Variants in MAP3K9 observed in about 807,000 individuals in gnomAD.
The protein encoded by MAP3K9 is mitogen-activated protein kinase kinase kinase 9, also known as mixed lineage kinase 1 (tyr and ser/thr specificity).
A neutral mutation model predicts 95.8 loss-of-function variants in MAP3K9; 46 were observed. The ratio of observed to expected loss-of-function variants is 0.48; its 90% CI spans 0.38 to 0.61. The LOEUF is 0.61. Among genes scored for constraint, MAP3K9 ranks in the 20% least tolerant of loss-of-function variants. MAP3K9 has a pLI of 0.00. For synonymous variants in MAP3K9, 533 were observed against 593.8 expected (o/e 0.90, Z 1.49); for missense variants, 1,296 against 1,474.3 (o/e 0.88, Z 1.98).
intron 1 of MAP3K9, among the ~76,000 whole-genome samples, chr14:70,801,720 A>G (rs1268999774): frequency 1.3e-5 from 2 of 152,212 alleles, no homozygotes; most frequent in East Asian, 3.8e-4. Flanking sequence ...AGCAGCACAG[A>G]GCACTAAGGG....
In MAP3K9 at chr14:70,724,898, C is replaced by T. The variant is rs1352544863; in HGVS notation, c.*5482G>A. On this transcript the variant is annotated 3_prime_UTR_variant, in exon 12 of 12. Coordinates refer to ENST00000554752, the MANE Select transcript of MAP3K9 (RefSeq NM_001284230.2). ...ACCCCTGGAATGGTATTCTGCTGTCCAATCCTGAGACACCTAACTAGTTAG... is the reference window on the plus strand; with the variant it reads ...ACCCCTGGAATGGTATTCTGCTGTCTAATCCTGAGACACCTAACTAGTTAG... 1 of 152,188 alleles carries T rather than the reference C, an allele frequency of 6.6e-6. No homozygotes were observed. The highest frequency in any genetic ancestry group is 6.5e-5 in the Admixed American group (1 of 15,290). The allele number at this position is 152,188 out of a possible 1,614,324, so 9.4% of individuals were successfully genotyped here. A position where few individuals can be genotyped will look rare whatever the true frequency, so the allele number is the denominator to read the frequency against.
At chr14:70,764,588 T>C (rs1176742388) in intron 2 of MAP3K9, among the ~76,000 whole-genome samples, 1 of 150,520 alleles carries the variant, frequency 6.6e-6, no homozygotes, top group Admixed American at 6.6e-5. Context: ...CCCAGCACTT[T>C]GGGAGGTCAA....
intron 2 of MAP3K9, among the ~76,000 whole-genome samples, chr14:70,789,175 G>A (rs2054780088): frequency 6.6e-6 from 1 of 152,172 alleles, no homozygotes; most frequent in African/African-American, 2.4e-5. Flanking sequence ...AGTCCAGAGG[G>A]TTCAAGACGC....
intron 2 of MAP3K9, among the ~76,000 whole-genome samples, chr14:70,777,171 C>T (rs2054611048): frequency 6.6e-6 from 1 of 152,160 alleles, no homozygotes; most frequent in South Asian, 2.1e-4. Flanking sequence ...GGCGCTGTTG[C>T]TTCGACCAAT....
intron 2 of MAP3K9, chr14:70,783,516 A>G (rs2054708674): frequency 5.3e-6 from 3 of 565,972 alleles, no homozygotes; most frequent in Non-Finnish European, 6.7e-6. Context: ...TTCCAGGAGC[A>G]GCAAAATCCA....
At chr14:70,740,258 C>T (rs1315300675) in intron 6 of MAP3K9, 94 bp from the exon 7 acceptor site, 39 of 1,343,230 alleles carry the variant, frequency 2.9e-5, no homozygotes, top group Admixed American at 4.5e-5. Context: ...CCTTGAGGGA[C>T]AGGCCCCAGT....
chr14:70,754,001 C>T (rs1245545485), intron 3 of MAP3K9, among the ~76,000 whole-genome samples: 1 of 152,186 alleles, frequency 6.6e-6, no homozygotes, highest in Admixed American at 6.5e-5. Flanking sequence ...TGACCAGTCT[C>T]CCTTGAATGA....
At chr14:70,803,149 T>A (rs117297263) in intron 1 of MAP3K9, among the ~76,000 whole-genome samples, 2,837 of 151,974 alleles carry the variant, frequency 0.019, 37 homozygotes, top group Non-Finnish European at 0.03. Flanking sequence ...CCGCCATGAA[T>A]AAAAGCTCCC....
chr14:70,780,085 A>G (rs951093790), intron 2 of MAP3K9, among the ~76,000 whole-genome samples: 1 of 152,222 alleles, frequency 6.6e-6, no homozygotes, highest in Non-Finnish European at 1.5e-5. Context: ...GCCACTCCCA[A>G]ACAACTCTGG....
intron 2 of MAP3K9, among the ~76,000 whole-genome samples, chr14:70,793,808 G>T (rs947593723): frequency 6.6e-6 from 1 of 152,202 alleles, no homozygotes; most frequent in African/African-American, 2.4e-5. Flanking sequence ...AAAGAGGCCA[G>T]GTTGTGTAAC....
intron 2 of MAP3K9, among the ~76,000 whole-genome samples, chr14:70,762,049 A>G (rs2054383102): frequency 6.6e-6 from 1 of 152,214 alleles, no homozygotes; most frequent in South Asian, 2.1e-4. Context: ...ACATGTTTTC[A>G]AGTTCATCCA....
At position 70,727,735 on chromosome 14, in the gene MAP3K9, G is replaced by C. The variant is rs1198215896; in HGVS notation, c.*2645C>G. 1 of 152,224 alleles carries C rather than the reference G, an allele frequency of 6.6e-6. No homozygotes were observed. Among genetic ancestry groups the C allele is most frequent in the Non-Finnish European group, 1.5e-5 (1 of 68,074 alleles). The allele number at this position is 152,224 out of a possible 1,614,324, so 9.4% of individuals were successfully genotyped here. ...TCCTTCTTCATGGATGCTCACAGTA[G>C]CACCTTTGGATAGCCCTGCTTTTGC... On this transcript the variant is annotated 3_prime_UTR_variant, in exon 12 of 12. Transcript: ENST00000554752.
chr14:70,801,259 CATTTTCCTTAGT>C (rs2054927357), intron 1 of MAP3K9, among the ~76,000 whole-genome samples, 179 bp from the exon 2 acceptor site: 1 of 146,716 alleles, frequency 6.8e-6, no homozygotes, highest in South Asian at 2.1e-4. Flanking sequence ...TTTTCCTTTG[CATTTTCCTTAGT>C]GACAGTCACC....
At chr14:70,788,014 A>G (rs796607270) in intron 2 of MAP3K9, among the ~76,000 whole-genome samples, 5 of 152,286 alleles carry the variant, frequency 3.3e-5, no homozygotes, top group African/African-American at 1.2e-4. Context: ...GTTTTCATAG[A>G]AAAAAAGTTA....
chr14:70,733,924 G>GC, intron 10 of MAP3K9: 1 of 665,340 alleles, frequency 1.5e-6, no homozygotes, highest in Non-Finnish European at 2.8e-6. Flanking sequence ...AGGTTCTTCA[G>GC]CCTTTGGACT....
At chr14:70,761,758 T>G (rs960083998) in intron 2 of MAP3K9, among the ~76,000 whole-genome samples, 1 of 152,224 alleles carries the variant, frequency 6.6e-6, no homozygotes, top group Admixed American at 6.5e-5. Flanking sequence ...ACCTTTTTTT[T>G]GGGCTGAAAT....
chr14:70,730,736 T>C lies in MAP3K9; in HGVS notation c.2959A>G (p.Lys987Glu). 1.2e-6 allele frequency: 2 copies of C among 1,613,706 alleles called. No individual in the cohort carries two copies. The highest frequency in any genetic ancestry group is 1.7e-6 in the Non-Finnish European group (2 of 1,180,000). The change falls in exon 12 of 12, where the codon AAG becomes GAG. Residue 987 changes from lysine to glutamate, a missense_variant. Around this residue, in one of 5 missense-constraint regions of MAP3K9, gnomAD observed 433 missense variants for 441.4 expected, o/e 0.98. Coordinates refer to ENST00000554752, the MANE Select transcript of MAP3K9 (RefSeq NM_001284230.2). ...GGCCGAGGCAGAAACTCCAGAGTCT[T>C]GGGTCTCTCCAAGGTAGAGTCCTGC... ...TQQDSTLERP[K>E]TLEFLPRPRP...
chr14:70,768,503 G>C (rs997820714), intron 2 of MAP3K9, among the ~76,000 whole-genome samples: 5 of 152,026 alleles, frequency 3.3e-5, no homozygotes, highest in African/African-American at 9.7e-5. Context: ...AAGTGTTAGA[G>C]AGGAATTACA....
chr14:70,759,593 T>C (rs1187804553), intron 3 of MAP3K9, among the ~76,000 whole-genome samples: 1 of 152,246 alleles, frequency 6.6e-6, no homozygotes, highest in Non-Finnish European at 1.5e-5. Context: ...GGTGTGGCCC[T>C]GCCCACATCA....
Sources: gnomAD v4.1 joint callset for allele counts (sites outside exome capture counted in the v4.1 genomes callset) on GRCh38, gnomAD v4.1.1 for gene constraint, gnomAD v4.1.1 regional missense constraint, MANE v1.5 for transcripts, NCBI Gene and HGNC (gene_info 2026-07-23, HGNC 2026-07-21) for gene names.